Variants in BSG observed in about 807,000 individuals in gnomAD.
BSG encodes basigin (Ok blood group).
BSG carries 37 observed loss-of-function variants against 43.1 expected under a neutral mutation model. The ratio of observed to expected loss-of-function variants is 0.86; its 90% CI spans 0.66 to 1.13. The LOEUF is 1.13. BSG is among the 50% of genes most tolerant of loss of function. The pLI, the probability that BSG is intolerant of heterozygous loss-of-function variation, is 0.00. For missense variants in BSG, 599 were observed against 554.2 expected (o/e 1.08, Z -0.81); for synonymous variants, 309 against 238.7 (o/e 1.29, Z -2.72).
At chr19:577,527 C>T (rs1981879369) in intron 1 of BSG, among the ~76,000 whole-genome samples, 1 of 152,186 alleles carries the variant, frequency 6.6e-6, no homozygotes, top group South Asian at 2.1e-4. Context: ...TTTGAAACCA[C>T]GTGTGGTCCC....
At chr19:582,175 C>G in intron 6 of BSG, 131 bp from the exon 7 acceptor site, 1 of 1,235,834 alleles carries the variant, frequency 8.1e-7, no homozygotes, top group Non-Finnish European at 1.1e-6. Flanking sequence ...TGATGAGCTG[C>G]CCCGAGCCAC....
chr19:578,246 C>A (rs1382301294), intron 2 of BSG, 125 bp downstream of exon 2: 1 of 1,038,378 alleles, frequency 9.6e-7, no homozygotes, highest in Non-Finnish European at 1.3e-6. Context: ...CCCCGTTGGG[C>A]CCACCGCCTG....
chr19:580,443 G>T lies in BSG; in HGVS notation c.637G>T (p.Ala213Ser). 1 of 1,610,830 alleles carries T rather than the reference G, an allele frequency of 6.2e-7. No individual in the cohort carries two copies. Among genetic ancestry groups the T allele is most frequent in the Non-Finnish European group, 8.5e-7 (1 of 1,179,926 alleles). Reference protein sequence around the residue: ...CVFLPEPMGTANIQLHGPPRV... With the variant: ...CVFLPEPMGTSNIQLHGPPRV... The stretch of plus-strand genomic sequence containing the variant: ...CTTCCTCCCCGAGCCCATGGGCACG[G>T]CCAACATCCAGCTCCACGGTGAGTC... The change falls in exon 4 of 9, where the codon GCC becomes TCC. Residue 213 changes from alanine to serine, a missense_variant. Coordinates refer to ENST00000333511, the MANE Select transcript of BSG (RefSeq NM_001728.4).
intron 1 of BSG, among the ~76,000 whole-genome samples, chr19:577,571 G>A (rs566761732): frequency 5.3e-5 from 8 of 152,188 alleles, no homozygotes; most frequent in Non-Finnish European, 1.2e-4. Flanking sequence ...CGTGGCTGCC[G>A]TGAGGTAGCA....
chr19:580,293 C>A, intron 3 of BSG, 86 bp from the exon 4 acceptor site: 2 of 1,249,664 alleles, frequency 1.6e-6, no homozygotes, highest in Non-Finnish European at 2.3e-6. Flanking sequence ...TTTCACTGTG[C>A]CGTGGTTGGG....
intron 8 of BSG, 32 bp downstream of exon 8, chr19:582,614 G>A (rs1298961751): frequency 7.1e-7 from 1 of 1,413,876 alleles, no homozygotes; most frequent in Non-Finnish European, 9.5e-7. Context: ...CCTGAGCCAG[G>A]TGTGGTGGGT....
intron 1 of BSG, chr19:575,113 C>T (rs1481618146): frequency 6.6e-6 from 1 of 152,340 alleles, no homozygotes; most frequent in African/African-American, 2.4e-5. Context: ...GGCTTACTGG[C>T]CAGAGCTGCC....
chr19:575,248 A>C (rs920975422), intron 1 of BSG: 2 of 152,368 alleles, frequency 1.3e-5, no homozygotes, highest in African/African-American at 4.8e-5. Context: ...ACTCGTGAAG[A>C]CCACAAGGTC....
upstream of BSG, chr19:572,032 ATTT>A (rs1173742724): frequency 6.4e-6 from 1 of 156,982 alleles, no homozygotes; most frequent in Non-Finnish European, 1.4e-5. Flanking sequence ...CCCTTTAAGT[ATTT>A]TTATTTGGGC....
intron 1 of BSG, 42 bp downstream of exon 1, chr19:572,743 C>T: frequency 7.1e-7 from 1 of 1,414,208 alleles, no homozygotes; most frequent in Non-Finnish European, 9.3e-7. Context: ...CCTGCAGGGG[C>T]CGGGAATGGA....
In BSG at chr19:581,381, A is replaced by G. The variant is rs1568354078; in HGVS notation, c.859A>G (p.Ile287Val). The change falls in exon 6 of 9, where the codon ATT (isoleucine) becomes GTT (valine). Residue 287 changes from isoleucine (I) to valine (V), a missense_variant. Coordinates refer to ENST00000333511, the MANE Select transcript of BSG (RefSeq NM_001728.4). ...SSSQGRSELH[I>V]ENLNMEADPG... Reference sequence around the variant, plus strand: ...CTCGCAGGGCCGGTCAGAGCTACACATTGAGAACCTGAACATGGAGGCCGA... The same window carrying G: ...CTCGCAGGGCCGGTCAGAGCTACACGTTGAGAACCTGAACATGGAGGCCGA... 2.5e-6 allele frequency: 4 copies of G among 1,612,818 alleles called. No homozygotes were observed. Among genetic ancestry groups the G allele is most frequent in the South Asian group, 1.1e-5 (1 of 91,086 alleles).
intron 1 of BSG, among the ~76,000 whole-genome samples, chr19:576,763 G>A (rs28921980): frequency 7.2e-6 from 1 of 139,454 alleles, no homozygotes. Flanking sequence ...AAAAAAAAAA[G>A]AAGAAGAGGA....
Position 582,807 on chromosome 19 carries a change from T to C in BSG, c.*63T>C. 1.7e-6 allele frequency: 1 copy of C among 582,424 alleles called. No homozygotes were observed. The highest frequency in any genetic ancestry group is 2.9e-5 in the East Asian group (1 of 34,398). 36.1% of individuals were successfully genotyped at this position (582,424 alleles called of 1,614,324 possible). A position where few individuals can be genotyped will look rare whatever the true frequency, so the allele number is the denominator to read the frequency against. On this transcript the variant is annotated 3_prime_UTR_variant, in exon 9 of 9. Coordinates refer to ENST00000333511, the MANE Select transcript of BSG (RefSeq NM_001728.4). ...CGCCGCCGCCGGAGTCCACTCCCAGTGCTTGCAAGATTCCAAGTTCTCACC... is the reference window on the plus strand; with the variant it reads ...CGCCGCCGCCGGAGTCCACTCCCAGCGCTTGCAAGATTCCAAGTTCTCACC...
intron 5 of BSG, among the ~76,000 whole-genome samples, 193 bp downstream of exon 5, chr19:580,975 G>A (rs879046435): frequency 3.0e-4 from 33 of 109,188 alleles, no homozygotes; most frequent in African/African-American, 9.3e-4. Flanking sequence ...ACTGGGTGAG[G>A]GGCCTAGACT....
chr19:579,615 G>C lies in BSG; in HGVS notation c.531G>C (p.Val177=). The C allele has an allele frequency of 1.9e-6, 3 of 1,612,366 alleles. No homozygotes were observed. Among genetic ancestry groups the C allele is most frequent in the Non-Finnish European group, 2.5e-6 (3 of 1,179,800 alleles). The change falls in exon 3 of 9, where the codon GTG becomes GTC. Residue 177 remains valine, a synonymous_variant. Coordinates refer to ENST00000333511, the MANE Select transcript of BSG (RefSeq NM_001728.4). ...ACCGCTGGCTGAAGGGGGGCGTGGT[G>C]CTGAAGGAGGACGCGCTGCCCGGCC... is the stretch of plus-strand genomic sequence containing the variant. The part of the protein sequence containing the change: ...TGHRWLKGGV[V]LKEDALPGQK...
At chr19:580,594 G>C in intron 4 of BSG, 52 bp from the exon 5 acceptor site, 1 of 1,609,200 alleles carries the variant, frequency 6.2e-7, no homozygotes, top group Middle Eastern at 1.7e-4. Flanking sequence ...GGGAGGCCGG[G>C]GATGGGGGCG....
chr19:582,932 TTCC>T lies in BSG; in HGVS notation c.*190_*192del, dbSNP rs1332358634. 3.3e-6 allele frequency: 1 copy of T among 304,322 alleles called. No homozygotes were observed. The highest frequency in any genetic ancestry group is 2.2e-5 in the African/African-American group (1 of 45,512). The allele number at this position is 304,322 out of a possible 1,614,324, so 18.9% of individuals were successfully genotyped here. A position where few individuals can be genotyped will look rare whatever the true frequency, so the allele number is the denominator to read the frequency against. ...TCAGGATTCTGTTCCTTAGGTTTTT[TTCC>T]TTCTGAAGTGTTTCACGAGAGCCCG... On this transcript the variant is annotated 3_prime_UTR_variant, in exon 9 of 9. Transcript: ENST00000333511.
chr19:578,084 G>C lies in BSG; in HGVS notation c.378G>C (p.Lys126Asn), dbSNP rs1415518596. The C allele has an allele frequency of 2.1e-5, 34 of 1,602,874 alleles. No homozygotes were observed. Among genetic ancestry groups the C allele is most frequent in the Non-Finnish European group, 2.7e-5 (32 of 1,174,010 alleles). Reference protein sequence around the residue: ...RNHLTRAPRVKWVRAQAVVLV... With the variant: ...RNHLTRAPRVNWVRAQAVVLV... ...ACCTGACCCGGGCGCCCAGGGTCAA[G>C]TGGGTCCGCGCCCAGGCAGTCGTGC... Residue 126 changes from lysine (K) to asparagine (N), a missense_variant, in exon 2 of 9, where the codon AAG becomes AAC. Coordinates refer to ENST00000333511, the MANE Select transcript of BSG (RefSeq NM_001728.4).
intron 6 of BSG, 135 bp from the exon 7 acceptor site, chr19:582,171 G>C: frequency 8.7e-7 from 1 of 1,151,204 alleles, no homozygotes; most frequent in Non-Finnish European, 1.2e-6. Flanking sequence ...GGGCTGATGA[G>C]CTGCCCCGAG....
Sources: allele counts gnomAD v4.1 joint callset (sites outside exome capture counted in the v4.1 genomes callset), GRCh38; gene constraint gnomAD v4.1.1; transcripts MANE v1.5; gene names NCBI Gene and HGNC (gene_info 2026-07-23, HGNC 2026-07-21).